FAM177A1: variants seen among roughly 807,000 people sequenced by gnomAD.
The protein encoded by FAM177A1 is protein FAM177A1.
A neutral mutation model predicts 26.1 loss-of-function variants in FAM177A1; 22 were observed. The ratio of observed to expected loss-of-function variants is 0.84; its 90% CI spans 0.60 to 1.20. The LOEUF (loss-of-function observed/expected upper bound fraction) is 1.20. Among genes scored for constraint, FAM177A1 ranks in the 50% most tolerant of loss-of-function variants. FAM177A1 has a pLI of 0.00. For missense variants in FAM177A1, 296 were observed against 291.1 expected, an observed-to-expected ratio of 1.02 and a Z score of -0.12; for synonymous variants, 95 against 99.3, an observed-to-expected ratio of 0.96 and a Z score of 0.26.
chr14:35,065,430 A>C (rs1459535281), intron 2 of FAM177A1, among the ~76,000 whole-genome samples: 1 of 149,542 alleles, frequency 6.7e-6, no homozygotes, highest in Non-Finnish European at 1.5e-5. Context: ...GCTTAGAACT[A>C]ACCAAAGACT....
chr14:35,046,721 C>T (rs914406201), intron 1 of FAM177A1, 93 bp downstream of exon 1: 14 of 1,427,184 alleles, frequency 9.8e-6, no homozygotes, highest in Non-Finnish European at 1.3e-5. Context: ...GGCCGTCCTC[C>T]GAGCAGGCCG....
At chr14:35,079,925 T>A (rs2045453754) in intron 4 of FAM177A1, among the ~76,000 whole-genome samples, 1 of 152,126 alleles carries the variant, frequency 6.6e-6, no homozygotes, top group African/African-American at 2.4e-5. Flanking sequence ...CCTGGAAAGG[T>A]CAGCTGACTT....
At chr14:35,071,019 C>T (rs79288297) in intron 2 of FAM177A1, among the ~76,000 whole-genome samples, 29,818 of 147,676 alleles carry the variant, frequency 0.2, 3,123 homozygotes, top group East Asian at 0.37. Flanking sequence ...TTTTTTGAGA[C>T]GGAGTCTTGC....
intron 2 of FAM177A1, among the ~76,000 whole-genome samples, chr14:35,065,201 T>G (rs911667081): frequency 6.6e-6 from 1 of 150,798 alleles, no homozygotes; most frequent in African/African-American, 2.4e-5. Flanking sequence ...AGACGGAGTC[T>G]CTCTCTCTCT....
intron 2 of FAM177A1, among the ~76,000 whole-genome samples, chr14:35,071,564 A>G (rs1022181978): frequency 6.7e-6 from 1 of 150,256 alleles, no homozygotes; most frequent in African/African-American, 2.4e-5. Context: ...TTTTGATTCA[A>G]TCAAGTCAAT....
chr14:35,081,419 G>A lies in FAM177A1; in HGVS notation c.*191G>A. 1 of 558,346 alleles carries A rather than the reference G, an allele frequency of 1.8e-6. No individual in the cohort carries two copies. The highest frequency in any genetic ancestry group is 3.4e-5 in the South Asian group (1 of 29,362). 34.6% of individuals were successfully genotyped at this position (558,346 alleles called of 1,614,324 possible). ...AGCCAGATCTGAAATTCAGATATTT[G>A]TACTGTTTTTACTGTGTATAGAAAT... On this transcript the variant is annotated 3_prime_UTR_variant, in exon 5 of 5. Transcript: ENST00000280987.
At chr14:35,078,142 A>G (rs993848755) in intron 3 of FAM177A1, among the ~76,000 whole-genome samples, 1 of 152,230 alleles carries the variant, frequency 6.6e-6, no homozygotes, top group African/African-American at 2.4e-5. Flanking sequence ...CACTGAATAT[A>G]TGCTAGACAG....
intron 2 of FAM177A1, among the ~76,000 whole-genome samples, chr14:35,076,088 C>G (rs1201962208): frequency 6.6e-6 from 1 of 152,168 alleles, no homozygotes; most frequent in African/African-American, 2.4e-5. Context: ...CATCCCATTA[C>G]TGGGTATATA....
At chr14:35,057,943 T>A (rs777414775) in intron 2 of FAM177A1, among the ~76,000 whole-genome samples, 2 of 152,156 alleles carry the variant, frequency 1.3e-5, no homozygotes, top group Non-Finnish European at 2.9e-5. Context: ...GAGAAGAATG[T>A]ATATTCTGTT....
chr14:35,065,793 A>T (rs2045232410), intron 2 of FAM177A1, among the ~76,000 whole-genome samples: 1 of 151,300 alleles, frequency 6.6e-6, no homozygotes, highest in African/African-American at 2.4e-5. Context: ...CCAGGGTCAA[A>T]TGATTCTCCT....
intron 1 of FAM177A1, among the ~76,000 whole-genome samples, chr14:35,048,550 T>C (rs1380947707): frequency 1.3e-5 from 2 of 148,968 alleles, no homozygotes; most frequent in Middle Eastern, 3.3e-3. Flanking sequence ...TTCAATATTA[T>C]ATATTTCTTA....
intron 2 of FAM177A1, among the ~76,000 whole-genome samples, chr14:35,057,171 T>A (rs2045074674): frequency 6.6e-6 from 1 of 152,206 alleles, no homozygotes; most frequent in Non-Finnish European, 1.5e-5. Flanking sequence ...ATTGGGCATT[T>A]ACGAATACAA....
intron 2 of FAM177A1, among the ~76,000 whole-genome samples, chr14:35,056,485 AG>A (rs2045064305): frequency 6.6e-6 from 1 of 151,966 alleles, no homozygotes; most frequent in Non-Finnish European, 1.5e-5. Context: ...CCTCCCAAGT[AG>A]CTGGGACTAC....
At chr14:35,073,285 G>T (rs1196198326) in intron 2 of FAM177A1, among the ~76,000 whole-genome samples, 4 of 152,148 alleles carry the variant, frequency 2.6e-5, no homozygotes, top group Non-Finnish European at 5.9e-5. Context: ...GCCCAGGCTG[G>T]TCGCAAAATC....
At chr14:35,076,623 C>T (rs534498788) in intron 2 of FAM177A1, among the ~76,000 whole-genome samples, 20 of 152,060 alleles carry the variant, frequency 1.3e-4, no homozygotes, top group African/African-American at 3.6e-4. Flanking sequence ...AAGAAACAAA[C>T]GAAACTTATC....
chr14:35,052,506 C>A (rs1005943161), intron 1 of FAM177A1, among the ~76,000 whole-genome samples: 1 of 151,636 alleles, frequency 6.6e-6, no homozygotes, highest in African/African-American at 2.4e-5. Flanking sequence ...CGCGCCTGGC[C>A]CAACTTCAGG....
intron 1 of FAM177A1, among the ~76,000 whole-genome samples, chr14:35,047,754 G>GCAACAA (rs141401661): frequency 5.2e-5 from 7 of 134,226 alleles, no homozygotes; most frequent in East Asian, 2.3e-4. Flanking sequence ...TCTCAAAACA[G>GCAACAA]CAACAACAAC....
At chr14:35,075,977 CT>C (rs1299092972) in intron 2 of FAM177A1, among the ~76,000 whole-genome samples, 5 of 152,166 alleles carry the variant, frequency 3.3e-5, no homozygotes, top group South Asian at 2.1e-4. Context: ...AATAGGAACA[CT>C]TTTATACTGT....
At chr14:35,068,774 C>CG (rs2045275447) in intron 2 of FAM177A1, among the ~76,000 whole-genome samples, 2 of 152,182 alleles carry the variant, frequency 1.3e-5, no homozygotes, top group African/African-American at 4.8e-5. Context: ...ACTTCATTGG[C>CG]TTACAGTTGT....
Sources: gnomAD v4.1 joint callset for allele counts (sites outside exome capture counted in the v4.1 genomes callset) on GRCh38, gnomAD v4.1.1 for gene constraint, MANE v1.5 for transcripts, NCBI Gene and HGNC (gene_info 2026-07-23, HGNC 2026-07-21) for gene names.